MAPK10: variants seen among roughly 807,000 people sequenced by gnomAD.
The protein encoded by MAPK10 is JNK3 alpha protein kinase.
In MAPK10, 25 loss-of-function variants were observed where a neutral mutation model predicts 59.3. That is an observed-to-expected ratio of 0.42 (90% CI 0.31 to 0.59). MAPK10 has a LOEUF of 0.59. Among genes scored for constraint, MAPK10 ranks in the 20% least tolerant of loss-of-function variants. MAPK10 has a pLI of 0.15. For synonymous variants in MAPK10, 190 were observed against 200.5 expected, an observed-to-expected ratio of 0.95 and a Z score of 0.44; for missense variants, 351 against 568.9, an observed-to-expected ratio of 0.62 and a Z score of 3.90.
At chr4:86,376,689 C>G (rs1739866226) in intron 1 of MAPK10, among the ~76,000 whole-genome samples, 1 of 152,122 alleles carries the variant, frequency 6.6e-6, no homozygotes, top group Non-Finnish European at 1.5e-5. Context: ...TGATAGTTGC[C>G]TAAGTTTTCC....
At chr4:86,541,355 C>T (rs1395145185) in intron 1 of MAPK10, among the ~76,000 whole-genome samples, 2 of 152,150 alleles carry the variant, frequency 1.3e-5, no homozygotes, top group African/African-American at 4.8e-5. Flanking sequence ...TAGGCAAAAT[C>T]CATGTAAACA....
chr4:86,508,482 C>T (rs2149082533), intron 1 of MAPK10, among the ~76,000 whole-genome samples: 1 of 152,228 alleles, frequency 6.6e-6, no homozygotes, highest in East Asian at 1.9e-4. Flanking sequence ...TTTGAGTTAT[C>T]TGGTTTCTAC....
At chr4:86,100,086 T>C (rs1380565113) in intron 8 of MAPK10, 1 of 152,290 alleles carries the variant, frequency 6.6e-6, no homozygotes, top group East Asian at 1.9e-4. Flanking sequence ...GTAGCACCTG[T>C]ACATAAAAAT....
At chr4:86,512,711 A>G (rs1247669730) in intron 1 of MAPK10, among the ~76,000 whole-genome samples, 1 of 152,152 alleles carries the variant, frequency 6.6e-6, no homozygotes, top group Non-Finnish European at 1.5e-5. Context: ...ACTTTCTCCC[A>G]TGGAATTACT....
intron 1 of MAPK10, among the ~76,000 whole-genome samples, chr4:86,437,047 C>T (rs972319617): frequency 8.6e-5 from 13 of 151,966 alleles, no homozygotes; most frequent in Admixed American, 2.0e-4. Flanking sequence ...CACATCTCTA[C>T]TAAAAATGCA....
chr4:86,356,809 A>G (rs1258152370), intron 1 of MAPK10: 3 of 152,210 alleles, frequency 2.0e-5, no homozygotes, highest in Non-Finnish European at 2.9e-5. Flanking sequence ...ATGCCAAAGA[A>G]GCAAATGGAT....
At chr4:86,074,123 G>C (rs1279026448) in intron 9 of MAPK10, among the ~76,000 whole-genome samples, 21 of 112,966 alleles carry the variant, frequency 1.9e-4, no homozygotes, top group African/African-American at 7.5e-4. Flanking sequence ...TCTTCTTGTT[G>C]AATTGATCCC....
intron 1 of MAPK10, among the ~76,000 whole-genome samples, chr4:86,542,985 A>G (rs1758844693): frequency 6.6e-6 from 1 of 152,194 alleles, no homozygotes; most frequent in African/African-American, 2.4e-5. Flanking sequence ...CCTTGAGCAC[A>G]CTGCCTCACC....
At chr4:86,523,021 G>A (rs889769287) in intron 1 of MAPK10, among the ~76,000 whole-genome samples, 2 of 152,134 alleles carry the variant, frequency 1.3e-5, no homozygotes, top group Non-Finnish European at 2.9e-5. Flanking sequence ...TCCAGTTTGT[G>A]TCCTTTTGCA....
At chr4:86,215,745 C>T (rs560531773) in intron 2 of MAPK10, among the ~76,000 whole-genome samples, 6 of 152,158 alleles carry the variant, frequency 3.9e-5, no homozygotes, top group African/African-American at 1.4e-4. Context: ...ACCTGTAGTC[C>T]CAGCTACTCA....
intron 1 of MAPK10, among the ~76,000 whole-genome samples, chr4:86,592,257 T>G (rs77573608): frequency 0.047 from 7,087 of 152,198 alleles, 220 homozygotes; most frequent in African/African-American, 0.061. Flanking sequence ...TGTGTACTTT[T>G]TAACAGATTG....
At chr4:86,027,403 T>C (rs1054989670) in intron 13 of MAPK10, 1 of 152,144 alleles carries the variant, frequency 6.6e-6, no homozygotes, top group Non-Finnish European at 1.5e-5. Flanking sequence ...AAAACATCCA[T>C]GAATATATAT....
intron 2 of MAPK10, among the ~76,000 whole-genome samples, chr4:86,266,418 T>C (rs1039679405): frequency 6.6e-6 from 1 of 152,134 alleles, no homozygotes; most frequent in African/African-American, 2.4e-5. Context: ...GCTGTGAGGT[T>C]TGAAGGGTTA....
At chr4:86,559,466 A>C (rs1760507911) in intron 1 of MAPK10, among the ~76,000 whole-genome samples, 1 of 152,150 alleles carries the variant, frequency 6.6e-6, no homozygotes, top group Non-Finnish European at 1.5e-5. Flanking sequence ...AATACCAGCA[A>C]ATAGTCTCTC....
chr4:86,568,150 T>A (rs971566991), intron 1 of MAPK10, among the ~76,000 whole-genome samples: 2 of 152,136 alleles, frequency 1.3e-5, no homozygotes, highest in African/African-American at 4.8e-5. Context: ...TATATACCAA[T>A]AATGATCAAG....
At chr4:86,029,033 T>A in intron 13 of MAPK10, 164 bp downstream of exon 13, 1 of 714,874 alleles carries the variant, frequency 1.4e-6, no homozygotes, top group Non-Finnish European at 2.6e-6. Context: ...AATGCCACAC[T>A]GAATATCAAA....
Position 86,159,305 on chromosome 4 carries a change from T to C in MAPK10, c.229A>G (p.Ile77Val). The C allele has an allele frequency of 6.2e-7, 1 of 1,605,826 alleles. No individual in the cohort carries two copies. The highest frequency in any genetic ancestry group is 8.5e-7 in the Non-Finnish European group (1 of 1,176,090). The change falls in exon 4 of 14, where the codon ATA becomes GTA. Residue 77 changes from isoleucine (I) to valine (V), a missense_variant. Physicochemically the swap from Ile to Val is conservative, Grantham distance 29. Coordinates refer to ENST00000641462, the MANE Select transcript of MAPK10 (RefSeq NM_138982.4). ...LKPIGSGAQG[I>V]VCAAYDAVLD... The stretch of plus-strand genomic sequence containing the variant: ...CAAATCCATTCCGCTTACCAAACTA[T>C]GCCCTGAGCCCCAGAGCCAATAGGC...
At chr4:86,029,408 CTCTATT>C (rs1462808354) in intron 12 of MAPK10, 134 bp from the exon 13 acceptor site, 2 of 619,624 alleles carry the variant, frequency 3.2e-6, no homozygotes, top group Non-Finnish European at 5.7e-6. Context: ...TCCTTTACTG[CTCTATT>C]TCTATTTCTA....
At chr4:86,037,609 AT>A (rs1307858805) in intron 11 of MAPK10, among the ~76,000 whole-genome samples, 1 of 152,110 alleles carries the variant, frequency 6.6e-6, no homozygotes, top group African/African-American at 2.4e-5. Flanking sequence ...GTGTGAATTT[AT>A]TTTTTACTGA....
Sources: gnomAD v4.1 joint callset for allele counts (sites outside exome capture counted in the v4.1 genomes callset) on GRCh38, gnomAD v4.1.1 for gene constraint, MANE v1.5 for transcripts, NCBI Gene and HGNC (gene_info 2026-07-23, HGNC 2026-07-21) for gene names.